Variants in ANKRD30B observed in about 807,000 individuals in gnomAD.
The protein encoded by ANKRD30B is ankyrin repeat domain-containing protein 30B.
A neutral mutation model predicts 202.2 loss-of-function variants in ANKRD30B; 144 were observed. The observed-to-expected ratio is 0.71, with a 90% CI of 0.62 to 0.82. The LOEUF (loss-of-function observed/expected upper bound fraction) is 0.82. Ranked by LOEUF, ANKRD30B falls within the 40% of genes least tolerant of loss-of-function variation. The probability of loss-of-function intolerance (pLI) is 0.00; values close to 1 mark genes in which losing one functional copy is unlikely to be tolerated. For missense variants in ANKRD30B, 1,487 were observed against 1,669.1 expected (o/e 0.89, Z 1.90); for synonymous variants, 508 against 561.3 (o/e 0.91, Z 1.34).
Position 14,763,976 on chromosome 18 carries a change from A to G in ANKRD30B, c.1111A>G (p.Lys371Glu), listed in dbSNP as rs1489553571. 6.3e-7 allele frequency: 1 copy of G among 1,598,554 alleles called. No homozygotes were observed. Among genetic ancestry groups the G allele is most frequent in the Non-Finnish European group, 8.5e-7 (1 of 1,173,140 alleles). Reference protein sequence around the residue: ...ITWEEKETSVKTECVAGVTPN... With the variant: ...ITWEEKETSVETECVAGVTPN... ...ATGGGAGGAAAAAGAAACATCTGTA[A>G]AGACTGAATGCGTGGCAGGAGTAAC... Residue 371 changes from lysine (K) to glutamate (E), a missense_variant, in exon 7 of 44, where the codon AAG becomes GAG. Coordinates refer to ENST00000690538, the MANE Select transcript of ANKRD30B (RefSeq NM_001367607.2).
In ANKRD30B at chr18:14,754,956, T is replaced by C. The variant is rs1164734006; in HGVS notation, c.568T>C (p.Phe190Leu). Reference protein sequence around the residue: ...IQKRSKQTVEFLLTKNANANA... With the variant: ...IQKRSKQTVELLLTKNANANA... ...GAAAAGAAGCAAGCAAACTGTGGAA[T>C]TTTTACTAACAAAAAATGCAAATGC... The change falls in exon 4 of 44, where the codon TTT (phenylalanine) becomes CTT (leucine). Residue 190 changes from phenylalanine to leucine, a missense_variant. Physicochemically the swap from Phe to Leu is conservative, Grantham distance 22. This residue lies in a region of ANKRD30B where 889 missense variants were observed against 841.4 expected (regional missense o/e 1.06). Coordinates refer to ENST00000690538, the MANE Select transcript of ANKRD30B (RefSeq NM_001367607.2). 1.9e-6 allele frequency: 3 copies of C among 1,555,276 alleles called. No individual in the cohort carries two copies. In the Admixed American group the frequency reaches 5.8e-5, roughly 30 times the overall value.
intron 15 of ANKRD30B, among the ~76,000 whole-genome samples, chr18:14,787,609 A>G (rs1446245280): frequency 6.6e-6 from 1 of 152,206 alleles, no homozygotes; most frequent in Non-Finnish European, 1.5e-5. Context: ...AAAGAAAAGC[A>G]TGAGGAATAG....
intron 7 of ANKRD30B, among the ~76,000 whole-genome samples, chr18:14,766,028 T>C (rs1475974793): frequency 6.6e-6 from 1 of 152,156 alleles, no homozygotes; most frequent in East Asian, 1.9e-4. Flanking sequence ...GTATTCCCAG[T>C]GTCACTGGAA....
intron 37 of ANKRD30B, among the ~76,000 whole-genome samples, chr18:14,841,976 G>A (rs1971437093): frequency 1.3e-5 from 2 of 152,090 alleles, no homozygotes; most frequent in Admixed American, 1.3e-4. Flanking sequence ...TTTTAATGAA[G>A]CAAATTGTTT....
chr18:14,770,965 C>T (rs1156888523), intron 8 of ANKRD30B, among the ~76,000 whole-genome samples: 1 of 152,130 alleles, frequency 6.6e-6, no homozygotes, highest in African/African-American at 2.4e-5. Flanking sequence ...ATCTGTGGCC[C>T]AAGGCAGATG....
At chr18:14,791,019 C>G (rs1191964057) in intron 15 of ANKRD30B, among the ~76,000 whole-genome samples, 1 of 152,124 alleles carries the variant, frequency 6.6e-6, no homozygotes, top group African/African-American at 2.4e-5. Context: ...TCCATCTGGT[C>G]CTGGACTCTT....
chr18:14,804,429 C>A (rs1969371373), intron 24 of ANKRD30B, among the ~76,000 whole-genome samples: 1 of 138,096 alleles, frequency 7.2e-6, no homozygotes, highest in African/African-American at 2.8e-5. Context: ...CATATACACT[C>A]CGTATAGACC....
At chr18:14,847,050 TTATATATATATATATATA>T (rs56871571) in intron 39 of ANKRD30B, among the ~76,000 whole-genome samples, 1,392 of 111,144 alleles carry the variant, frequency 0.013, 40 homozygotes, top group African/African-American at 0.042. Context: ...TGATTTAGTT[TTATATATATATATATATA>T]TATATATATA....
chr18:14,797,626 C>T, intron 18 of ANKRD30B, 35 bp from the exon 19 acceptor site: 1 of 1,587,056 alleles, frequency 6.3e-7, no homozygotes, highest in East Asian at 2.2e-5. Context: ...GTCAGGCTTG[C>T]ATATAATCAA....
chr18:14,856,000 C>A (rs1972097408), downstream of ANKRD30B, among the ~76,000 whole-genome samples: 1 of 142,674 alleles, frequency 7.0e-6, no homozygotes, highest in South Asian at 2.3e-4. Flanking sequence ...CCTCACCTCC[C>A]AGACTGGGCG....
At chr18:14,755,182 CA>C (rs1241689173) in intron 4 of ANKRD30B, among the ~76,000 whole-genome samples, 177 bp downstream of exon 4, 1 of 152,048 alleles carries the variant, frequency 6.6e-6, no homozygotes, top group African/African-American at 2.4e-5. Context: ...ACATAAAAAA[CA>C]GTGTATAGTA....
chr18:14,869,989 C>T, the ANKRD30B span, among the ~76,000 whole-genome samples: 1 of 151,846 alleles, frequency 6.6e-6, no homozygotes, highest in Non-Finnish European at 1.5e-5. Context: ...GCACGGGCCA[C>T]CACGACCTGC....
chr18:14,797,928 T>C, intron 20 of ANKRD30B, 74 bp downstream of exon 20: 5 of 1,260,384 alleles, frequency 4.0e-6, no homozygotes, highest in Admixed American at 2.6e-5. Flanking sequence ...AGCCTTTTAT[T>C]CCCAATGTTG....
intron 7 of ANKRD30B, among the ~76,000 whole-genome samples, chr18:14,765,300 T>C (rs1915936816): frequency 6.6e-6 from 1 of 151,864 alleles, no homozygotes; most frequent in African/African-American, 2.4e-5. Context: ...CCATCTCTAC[T>C]AAAAATATGC....
At chr18:14,895,585 A>G in the ANKRD30B span, among the ~76,000 whole-genome samples, 14 of 152,208 alleles carry the variant, frequency 9.2e-5, no homozygotes, top group South Asian at 4.1e-4. Flanking sequence ...CTATTTATAG[A>G]AGCTTTATTC....
intron 42 of ANKRD30B, among the ~76,000 whole-genome samples, 114 bp from the exon 43 acceptor site, chr18:14,853,695 C>T (rs1971981290): frequency 1.3e-5 from 2 of 152,062 alleles, no homozygotes; most frequent in Admixed American, 6.5e-5. Flanking sequence ...TAACAAGCAG[C>T]AGTGTGCACA....
At chr18:14,831,488 A>G (rs1449043214) in intron 34 of ANKRD30B, 33 bp downstream of exon 34, 15 of 1,215,418 alleles carry the variant, frequency 1.2e-5, no homozygotes, top group Admixed American at 5.0e-5. Flanking sequence ...TGATTTTCTC[A>G]GTTGGAATCT....
the ANKRD30B span, among the ~76,000 whole-genome samples, chr18:14,933,864 C>T: frequency 6.6e-6 from 1 of 152,190 alleles, no homozygotes; most frequent in Non-Finnish European, 1.5e-5. Flanking sequence ...TTGTACAGGG[C>T]TGCTCTGAAA....
chr18:14,753,512 C>A (rs9963389), intron 3 of ANKRD30B, among the ~76,000 whole-genome samples: 1 of 152,036 alleles, frequency 6.6e-6, no homozygotes, highest in East Asian at 1.9e-4. Flanking sequence ...ACTGAACTTA[C>A]CTCTTTTGCC....
Sources: allele counts gnomAD v4.1 joint callset (sites outside exome capture counted in the v4.1 genomes callset), GRCh38; gene constraint gnomAD v4.1.1; regional missense constraint gnomAD v4.1.1; transcripts MANE v1.5; gene names NCBI Gene and HGNC (gene_info 2026-07-23, HGNC 2026-07-21).